SGCE: variants seen among roughly 807,000 people sequenced by gnomAD.
SGCE encodes the protein epsilon-sarcoglycan.
In SGCE, 26 loss-of-function variants were observed where a neutral mutation model predicts 57.8. The ratio of observed to expected loss-of-function variants is 0.45; its 90% CI spans 0.33 to 0.62. The LOEUF is 0.62. Among genes scored for constraint, SGCE ranks in the 20% least tolerant of loss-of-function variants. The pLI is 0.02. For missense variants in SGCE, 468 were observed against 548.6 expected (o/e 0.85, Z 1.47); for synonymous variants, 183 against 189.5 (o/e 0.97, Z 0.28).
At chr7:94,635,395 C>A (rs28684666) in intron 1 of SGCE, among the ~76,000 whole-genome samples, 1,697 of 152,276 alleles carry the variant, frequency 0.011, 32 homozygotes, top group African/African-American at 0.039. Context: ...TCTGCTGTAT[C>A]TTTTAAAATA....
At chr7:94,604,861 T>TATAAA (rs1799868763) in intron 5 of SGCE, among the ~76,000 whole-genome samples, 2 of 69,292 alleles carry the variant, frequency 2.9e-5, no homozygotes, top group Admixed American at 1.6e-4. Context: ...ATATATATAA[T>TATAAA]AGTTGTTATA....
chr7:94,606,551 A>G (rs1170241944), intron 5 of SGCE, among the ~76,000 whole-genome samples: 1 of 152,230 alleles, frequency 6.6e-6, no homozygotes, highest in Non-Finnish European at 1.5e-5. Flanking sequence ...ACATCTCTCT[A>G]TCAGAAATGG....
At chr7:94,648,174 A>T (rs1807367038) in intron 1 of SGCE, among the ~76,000 whole-genome samples, 1 of 151,998 alleles carries the variant, frequency 6.6e-6, no homozygotes, top group Admixed American at 6.6e-5. Flanking sequence ...GGAGTTCAAG[A>T]CCAGCCTGGC....
intron 5 of SGCE, among the ~76,000 whole-genome samples, chr7:94,606,146 C>T (rs143722588): frequency 9.7e-4 from 148 of 152,176 alleles, no homozygotes; most frequent in Non-Finnish European, 1.2e-3. Flanking sequence ...TCACTTTAAA[C>T]ATCAATGGTC....
chr7:94,606,341 C>A (rs905712896), intron 5 of SGCE, among the ~76,000 whole-genome samples: 1 of 152,146 alleles, frequency 6.6e-6, no homozygotes, highest in African/African-American at 2.4e-5. Flanking sequence ...TAATTTCAGA[C>A]AGAGCCAACC....
chr7:94,609,776 G>A (rs562184958), intron 5 of SGCE, among the ~76,000 whole-genome samples: 1 of 152,306 alleles, frequency 6.6e-6, no homozygotes, highest in Non-Finnish European at 1.5e-5. Flanking sequence ...GCAAGATGGT[G>A]TAGCCAATTT....
chr7:94,620,121 T>G (rs919376604), intron 4 of SGCE: 4 of 152,208 alleles, frequency 2.6e-5, no homozygotes, highest in African/African-American at 9.6e-5. Flanking sequence ...TGTAAGATAT[T>G]CCACTTTTAT....
intron 1 of SGCE, among the ~76,000 whole-genome samples, chr7:94,655,706 T>A (rs975272737): frequency 1.8e-4 from 27 of 150,800 alleles, no homozygotes; most frequent in Non-Finnish European, 7.4e-5. Flanking sequence ...GAGGGGGATG[T>A]TGGGAACAGG....
At position 94,644,319 on chromosome 7, in the gene SGCE, A is replaced by T. The variant is rs565942014; in HGVS notation, c.109+11671T>A. On this transcript the variant is annotated intron_variant, in intron 1 of 10. Transcript: ENST00000648936. ...TTAAAGTTTGTCTTAAGATTCCATG[A>T]TTCATTTTGAGTCTTGTAGCGGCAT... 9.2e-5 allele frequency among the ~76,000 whole-genome samples: 14 copies of T among 152,302 alleles called. No homozygotes were observed. In the East Asian group the frequency reaches 2.3e-3, roughly 25 times the overall value.
Position 94,585,347 on chromosome 7 carries a change from AGTTAT to A in SGCE, c.*147_*151del, listed in dbSNP as rs886718822. ...CAAAAAAATACATTAGTAAAATGAA[AGTTAT>A]GTTGTATTATTTGGTATACACTTAA... On this transcript the variant is annotated 3_prime_UTR_variant, in exon 11 of 11. Transcript: ENST00000648936. The A allele has an allele frequency of 1.7e-6, 1 of 603,182 alleles. No homozygotes were observed. The highest frequency in any genetic ancestry group is 1.8e-5 in the African/African-American group (1 of 55,002). 37.4% of individuals were successfully genotyped at this position (603,182 alleles called of 1,614,324 possible).
chr7:94,600,779 T>G lies in SGCE; in HGVS notation c.904A>C (p.Lys302Gln). ...EGILPDGGEY[K>Q]PPSDSLKSRD... ...CTTTTCAAAGAATCAGAAGGGGGTT[T>G]GTATTCTCCACCATCAGGTAAAATC... Residue 302 changes from lysine (K) to glutamine (Q), a missense_variant, in exon 7 of 11, where the codon AAA (lysine) becomes CAA (glutamine). Coordinates refer to ENST00000648936, the MANE Select transcript of SGCE (RefSeq NM_003919.3). 1 of 1,613,642 alleles carries G rather than the reference T, an allele frequency of 6.2e-7. No individual in the cohort carries two copies. Among genetic ancestry groups the G allele is most frequent in the Non-Finnish European group, 8.5e-7 (1 of 1,179,842 alleles).
chr7:94,628,550 T>A (rs529615765), intron 2 of SGCE, 191 bp from the exon 3 acceptor site: 114 of 567,152 alleles, frequency 2.0e-4, no homozygotes, highest in Non-Finnish European at 3.3e-4. Context: ...GGTTGTTTAA[T>A]TTGTTTCAAA....
intron 1 of SGCE, among the ~76,000 whole-genome samples, chr7:94,630,134 A>G (rs1804458056): frequency 6.6e-6 from 1 of 151,966 alleles, no homozygotes; most frequent in African/African-American, 2.4e-5. Flanking sequence ...AGCTATCCAT[A>G]ATATCTTTTT....
intron 5 of SGCE, among the ~76,000 whole-genome samples, chr7:94,616,148 G>T (rs1369145276): frequency 6.6e-6 from 1 of 152,144 alleles, no homozygotes; most frequent in Non-Finnish European, 1.5e-5. Context: ...CTCAGATGCT[G>T]CAGGTTGGGC....
intron 5 of SGCE, among the ~76,000 whole-genome samples, chr7:94,615,867 T>C (rs1801856357): frequency 6.6e-6 from 1 of 152,168 alleles, no homozygotes; most frequent in Admixed American, 6.5e-5. Context: ...TATCCCAGGC[T>C]AAATACATCC....
At chr7:94,604,465 A>G (rs549788256) in intron 5 of SGCE, among the ~76,000 whole-genome samples, 14 of 151,898 alleles carry the variant, frequency 9.2e-5, no homozygotes, top group African/African-American at 3.1e-4. Flanking sequence ...AATTTGGAAA[A>G]CTCACAATTC....
intron 10 of SGCE, chr7:94,586,834 A>T: frequency 2.0e-6 from 2 of 985,352 alleles, no homozygotes; most frequent in Non-Finnish European, 2.4e-6. Flanking sequence ...AGAGGCACAA[A>T]CACACCAATC....
At chr7:94,606,066 T>G (rs1410387506) in intron 5 of SGCE, among the ~76,000 whole-genome samples, 2 of 152,010 alleles carry the variant, frequency 1.3e-5, no homozygotes, top group Non-Finnish European at 2.9e-5. Flanking sequence ...TGACCTCAGG[T>G]GATCTGCCTG....
intron 1 of SGCE, 75 bp downstream of exon 1, chr7:94,655,915 C>G: frequency 1.0e-6 from 1 of 982,244 alleles, no homozygotes; most frequent in South Asian, 1.3e-5. Context: ...CTCAGGCGCC[C>G]GGAACCCGAG....
Sources: gnomAD v4.1 joint callset for allele counts (sites outside exome capture counted in the v4.1 genomes callset) on GRCh38, gnomAD v4.1.1 for gene constraint, MANE v1.5 for transcripts, NCBI Gene and HGNC (gene_info 2026-07-23, HGNC 2026-07-21) for gene names.